REDIC1: variants seen among roughly 807,000 people sequenced by gnomAD.
REDIC1 encodes regulator of DNA class I crossover intermediates 1.
the REDIC1 span, among the ~76,000 whole-genome samples, chr12:39,844,104 CA>C: frequency 2.6e-5 from 4 of 152,032 alleles, no homozygotes; most frequent in Non-Finnish European, 4.4e-5. Context: ...TTTCTCTCTT[CA>C]TATTTGTATA....
chr12:39,775,623 T>G, the REDIC1 span, among the ~76,000 whole-genome samples: 9 of 152,252 alleles, frequency 5.9e-5, no homozygotes, highest in Non-Finnish European at 1.3e-4. Flanking sequence ...CATGGCCTAC[T>G]TCATAAAGTC....
the REDIC1 span, among the ~76,000 whole-genome samples, chr12:39,884,922 G>T: frequency 6.6e-6 from 1 of 152,166 alleles, no homozygotes; most frequent in Admixed American, 6.6e-5. Context: ...GGGAGAACTG[G>T]AAAGAACCAC....
chr12:39,899,330 C>A, the REDIC1 span, among the ~76,000 whole-genome samples: 1 of 151,940 alleles, frequency 6.6e-6, no homozygotes, highest in Non-Finnish European at 1.5e-5. Flanking sequence ...TGGTGATATC[C>A]CCTTTATCAT....
the REDIC1 span, chr12:39,692,237 A>G: frequency 1.1e-6 from 1 of 912,708 alleles, no homozygotes; most frequent in Non-Finnish European, 1.6e-6. Flanking sequence ...ATATTTTAGT[A>G]CTACTAATGC....
chr12:39,677,033 A>G, the REDIC1 span, among the ~76,000 whole-genome samples: 1 of 152,038 alleles, frequency 6.6e-6, no homozygotes, highest in South Asian at 2.1e-4. Context: ...CAATGAAAAA[A>G]AAAAAAACAC....
chr12:39,799,802 G>A, the REDIC1 span, among the ~76,000 whole-genome samples: 1 of 152,098 alleles, frequency 6.6e-6, no homozygotes, highest in Admixed American at 6.6e-5. Context: ...CTAAAGCCTG[G>A]CAACTGAGGA....
chr12:39,812,373 TTTTCTTTTC>T, the REDIC1 span, among the ~76,000 whole-genome samples: 88 of 123,534 alleles, frequency 7.1e-4, no homozygotes, highest in South Asian at 0.014. Flanking sequence ...TTTTCTTTTC[TTTTCTTTTC>T]TTTCTTTCTC....
the REDIC1 span, among the ~76,000 whole-genome samples, chr12:39,891,952 TGGGA>T: frequency 6.6e-6 from 1 of 152,202 alleles, no homozygotes; most frequent in Non-Finnish European, 1.5e-5. Context: ...AATCCTATTT[TGGGA>T]AATATGGTTA....
chr12:39,702,083 T>A, the REDIC1 span, among the ~76,000 whole-genome samples: 1 of 151,808 alleles, frequency 6.6e-6, no homozygotes. Flanking sequence ...AAGAAATAAC[T>A]AAAATCAGAG....
At chr12:39,676,426 A>T in the REDIC1 span, among the ~76,000 whole-genome samples, 1 of 152,178 alleles carries the variant, frequency 6.6e-6, no homozygotes, top group Non-Finnish European at 1.5e-5. Context: ...TAAAAAATAA[A>T]TGAACAAAGC....
the REDIC1 span, among the ~76,000 whole-genome samples, chr12:39,893,399 A>T: frequency 1.3e-5 from 2 of 152,202 alleles, no homozygotes; most frequent in Non-Finnish European, 1.5e-5. Flanking sequence ...TCCCAGGTTC[A>T]AGCAATTCTC....
At chr12:39,663,274 G>T in the REDIC1 span, among the ~76,000 whole-genome samples, 1 of 152,050 alleles carries the variant, frequency 6.6e-6, no homozygotes, top group East Asian at 1.9e-4. Flanking sequence ...TTTGCTTTAT[G>T]AATCTTGTTG....
the REDIC1 span, among the ~76,000 whole-genome samples, chr12:39,672,515 G>T: frequency 6.6e-6 from 1 of 152,158 alleles, no homozygotes. Flanking sequence ...TTGACGGGGA[G>T]AACCTATCTT....
chr12:39,787,781 C>G, the REDIC1 span, among the ~76,000 whole-genome samples: 12 of 152,138 alleles, frequency 7.9e-5, no homozygotes, highest in African/African-American at 2.4e-4. Context: ...ATGGAAACAG[C>G]TGGGAGACCT....
At chr12:39,832,345 G>A in the REDIC1 span, among the ~76,000 whole-genome samples, 1 of 152,038 alleles carries the variant, frequency 6.6e-6, no homozygotes, top group Non-Finnish European at 1.5e-5. Flanking sequence ...TACTCATTTG[G>A]GAAAGGTCAA....
At chr12:39,892,495 TAACCG>T in the REDIC1 span, among the ~76,000 whole-genome samples, 1 of 152,240 alleles carries the variant, frequency 6.6e-6, no homozygotes, top group Non-Finnish European at 1.5e-5. Context: ...TACTGACGCT[TAACCG>T]AACTTTAGTC....
the REDIC1 span, among the ~76,000 whole-genome samples, chr12:39,639,757 A>G: frequency 6.6e-6 from 1 of 152,030 alleles, no homozygotes; most frequent in African/African-American, 2.4e-5. Flanking sequence ...TGAAGTGTCT[A>G]GAATGGTGGA....
chr12:39,667,261 G>A, the REDIC1 span, among the ~76,000 whole-genome samples: 4 of 152,168 alleles, frequency 2.6e-5, no homozygotes, highest in Non-Finnish European at 4.4e-5. Context: ...ATTCTGGTAT[G>A]TTGTGTCTTT....
At chr12:39,866,542 G>C in the REDIC1 span, among the ~76,000 whole-genome samples, 1 of 151,948 alleles carries the variant, frequency 6.6e-6, no homozygotes, top group Non-Finnish European at 1.5e-5. Context: ...GCAGTGGCGC[G>C]ATCTCGGCTC....
Sources: allele counts gnomAD v4.1 joint callset (sites outside exome capture counted in the v4.1 genomes callset), GRCh38; gene constraint gnomAD v4.1.1; transcripts MANE v1.5; gene names NCBI Gene and HGNC (gene_info 2026-07-23, HGNC 2026-07-21).